The following TRIM33 variants were observed in gnomAD, a reference collection of about 807,000 sequenced individuals.
The protein encoded by TRIM33 is tripartite motif containing 33.
A neutral mutation model predicts 125.4 loss-of-function variants in TRIM33; 20 were observed. The observed-to-expected ratio is 0.16, with a 90% CI of 0.11 to 0.23. The LOEUF (loss-of-function observed/expected upper bound fraction) is 0.23. Among genes scored for constraint, TRIM33 ranks in the 10% least tolerant of loss-of-function variants. TRIM33 has a pLI of 1.00. For missense variants in TRIM33, 920 were observed against 1,411.4 expected (o/e 0.65, Z 5.58); for synonymous variants, 564 against 513.9 (o/e 1.10, Z -1.32).
chr1:114,399,015 T>C (rs1651718759), intron 18 of TRIM33, among the ~76,000 whole-genome samples: 1 of 151,674 alleles, frequency 6.6e-6, no homozygotes, highest in East Asian at 1.9e-4. Flanking sequence ...CTTAGTATTA[T>C]ATACTCTGGG....
chr1:114,457,684 C>T (rs901673962), intron 4 of TRIM33, among the ~76,000 whole-genome samples: 1 of 152,148 alleles, frequency 6.6e-6, no homozygotes, highest in Non-Finnish European at 1.5e-5. Flanking sequence ...ATCCTGTGAT[C>T]GGATGGGTGC....
intron 1 of TRIM33, among the ~76,000 whole-genome samples, chr1:114,485,632 T>C (rs574507424): frequency 6.6e-6 from 1 of 152,224 alleles, no homozygotes; most frequent in African/African-American, 2.4e-5. Context: ...AGGGAGAAAT[T>C]GAACTTTCAT....
intron 10 of TRIM33, among the ~76,000 whole-genome samples, chr1:114,423,656 T>A (rs985427104): frequency 1.3e-5 from 2 of 151,912 alleles, no homozygotes; most frequent in East Asian, 3.9e-4. Flanking sequence ...TGCCTCGGCC[T>A]CCCAAAATGC....
At chr1:114,423,541 T>C (rs1017337897) in intron 10 of TRIM33, among the ~76,000 whole-genome samples, 1 of 151,996 alleles carries the variant, frequency 6.6e-6, no homozygotes, top group Non-Finnish European at 1.5e-5. Flanking sequence ...CCTTCAAATG[T>C]GAGCGAGTAT....
intron 6 of TRIM33, 114 bp downstream of exon 6, chr1:114,430,684 G>GT: frequency 1.5e-6 from 1 of 686,836 alleles, no homozygotes; most frequent in East Asian, 2.6e-5. Flanking sequence ...CTTATTTTAC[G>GT]TTTTCCTTTA....
chr1:114,455,304 G>A (rs1180220666), intron 4 of TRIM33, among the ~76,000 whole-genome samples: 1 of 152,184 alleles, frequency 6.6e-6, no homozygotes, highest in Non-Finnish European at 1.5e-5. Context: ...AGCTTCTTAT[G>A]CAAGCTACAC....
At chr1:114,490,224 T>C (rs987461205) in intron 1 of TRIM33, among the ~76,000 whole-genome samples, 2 of 151,668 alleles carry the variant, frequency 1.3e-5, no homozygotes, top group African/African-American at 4.8e-5. Context: ...AATTAAATAA[T>C]GGACAAAAGT....
intron 4 of TRIM33, among the ~76,000 whole-genome samples, chr1:114,438,776 T>C (rs533852810): frequency 2.8e-4 from 43 of 152,198 alleles, no homozygotes; most frequent in Non-Finnish European, 4.9e-4. Context: ...AGCAAAGCAC[T>C]TAAGGCATAC....
chr1:114,456,558 C>T (rs1032725438), intron 4 of TRIM33, among the ~76,000 whole-genome samples: 2 of 152,110 alleles, frequency 1.3e-5, no homozygotes, highest in African/African-American at 4.8e-5. Context: ...GAAAACAGTA[C>T]TCAGGGACTA....
intron 4 of TRIM33, among the ~76,000 whole-genome samples, chr1:114,440,577 C>A (rs914239494): frequency 6.6e-6 from 1 of 152,078 alleles, no homozygotes; most frequent in Non-Finnish European, 1.5e-5. Flanking sequence ...ATACAAAAGA[C>A]CTCTTTGAAC....
At position 114,430,813 on chromosome 1, in the gene TRIM33, G is replaced by A. The variant is rs779745627; in HGVS notation, c.1140C>T (p.Leu380=). 1 of 1,582,574 alleles carries A rather than the reference G, an allele frequency of 6.3e-7. No individual in the cohort carries two copies. The highest frequency in any genetic ancestry group is 1.3e-5 in the African/African-American group (1 of 74,172). Residue 380 remains leucine (L), a synonymous_variant, in exon 6 of 20, where the codon CTC becomes CTT. Coordinates refer to ENST00000358465, the MANE Select transcript of TRIM33 (RefSeq NM_015906.4). The part of the protein sequence containing the change: ...INEINKKGKS[L]LQQLENVTKE... ...TGAACCATACCTCTAGCTGTTGTAA[G>A]AGAGATTTTCCTTTCTTATTAATTT...
At chr1:114,476,655 C>G (rs2101462398) in intron 1 of TRIM33, among the ~76,000 whole-genome samples, 1 of 151,908 alleles carries the variant, frequency 6.6e-6, no homozygotes, top group South Asian at 2.1e-4. Flanking sequence ...TGGAAACAGA[C>G]AAAGCAAAAC....
At chr1:114,404,084 T>G (rs749205297) in intron 15 of TRIM33, among the ~76,000 whole-genome samples, 1 of 152,310 alleles carries the variant, frequency 6.6e-6, no homozygotes, top group Admixed American at 6.5e-5. Context: ...TGGAGATATA[T>G]AGAGAGATAT....
rs939382474 is a variant in TRIM33, at chr1:114,397,773, C to T, written c.3259G>A (p.Ala1087Thr). 8.7e-6 allele frequency: 14 copies of T among 1,613,708 alleles called. No individual in the cohort carries two copies. Among genetic ancestry groups the T allele is most frequent in the Non-Finnish European group, 1.1e-5 (13 of 1,179,870 alleles). ...TCCTGCTCAAACTCTGGCAAAGGTGCGAAGGTCCTGTCTGAGTAGATCTCT... is the reference window on the plus strand; with the variant it reads ...TCCTGCTCAAACTCTGGCAAAGGTGTGAAGGTCCTGTCTGAGTAGATCTCT... The part of the protein sequence containing the change: ...LTEIYSDRTF[A>T]PLPEFEQEED... Residue 1087 changes from alanine (A) to threonine (T), a missense_variant, in exon 20 of 20, where the codon GCA (alanine) becomes ACA (threonine). Physicochemically the swap from Ala to Thr is moderately conservative, Grantham distance 58. Coordinates refer to ENST00000358465, the MANE Select transcript of TRIM33 (RefSeq NM_015906.4).
chr1:114,442,191 A>G (rs1407409085), intron 4 of TRIM33, among the ~76,000 whole-genome samples: 2 of 152,230 alleles, frequency 1.3e-5, no homozygotes, highest in African/African-American at 4.8e-5. Context: ...ATGAATACTC[A>G]TTTGTTGAGT....
intron 1 of TRIM33, among the ~76,000 whole-genome samples, chr1:114,475,620 T>G (rs1650931808): frequency 6.6e-6 from 1 of 152,100 alleles, no homozygotes; most frequent in Non-Finnish European, 1.5e-5. Flanking sequence ...AGGCAGGACT[T>G]GCAGTGAGCC....
intron 1 of TRIM33, among the ~76,000 whole-genome samples, chr1:114,505,942 A>T (rs1316038356): frequency 1.3e-5 from 2 of 152,202 alleles, no homozygotes; most frequent in Non-Finnish European, 2.9e-5. Context: ...ACAAACTATA[A>T]GGACATTAAA....
At chr1:114,488,835 C>T (rs1651878791) in intron 1 of TRIM33, among the ~76,000 whole-genome samples, 1 of 152,074 alleles carries the variant, frequency 6.6e-6, no homozygotes, top group Non-Finnish European at 1.5e-5. Flanking sequence ...AACAACCCAC[C>T]CCAGCAACAT....
At chr1:114,462,508 G>A (rs1176432298) in intron 4 of TRIM33, among the ~76,000 whole-genome samples, 1 of 152,116 alleles carries the variant, frequency 6.6e-6, no homozygotes, top group Non-Finnish European at 1.5e-5. Flanking sequence ...CAGATGCCAT[G>A]GAAGCTGGAG....
Sources: allele counts gnomAD v4.1 joint callset (sites outside exome capture counted in the v4.1 genomes callset), GRCh38; gene constraint gnomAD v4.1.1; transcripts MANE v1.5; gene names NCBI Gene and HGNC (gene_info 2026-07-23, HGNC 2026-07-21).